CACNA2D1: variants seen among roughly 807,000 people sequenced by gnomAD.
CACNA2D1 encodes voltage-dependent calcium channel subunit alpha-2/delta-1.
Under a neutral mutation model 171.5 loss-of-function variants are expected in CACNA2D1, and 53 were observed. That is an observed-to-expected ratio of 0.31 (90% CI 0.25 to 0.39). CACNA2D1 has a LOEUF of 0.39. Among genes scored for constraint, CACNA2D1 ranks in the 10% least tolerant of loss-of-function variants. CACNA2D1 has a pLI of 1.00. For missense variants in CACNA2D1, 903 were observed against 1,299.8 expected (o/e 0.69, Z 4.69); for synonymous variants, 442 against 443.1 (o/e 1.00, Z 0.03).
intron 6 of CACNA2D1, among the ~76,000 whole-genome samples, chr7:82,115,956 A>C (rs1489377139): frequency 6.6e-6 from 1 of 152,172 alleles, no homozygotes; most frequent in Non-Finnish European, 1.5e-5. Flanking sequence ...GAAAATGCCT[A>C]CTCAGAAATT....
intron 15 of CACNA2D1, among the ~76,000 whole-genome samples, chr7:82,011,546 T>C (rs1306020836): frequency 1.3e-5 from 2 of 152,208 alleles, no homozygotes; most frequent in African/African-American, 4.8e-5. Flanking sequence ...CAATTTAACA[T>C]GTGTTTGTTA....
chr7:82,108,560 T>C (rs574699958), intron 6 of CACNA2D1, among the ~76,000 whole-genome samples: 4 of 152,198 alleles, frequency 2.6e-5, no homozygotes, highest in Non-Finnish European at 5.9e-5. Context: ...TTACAATATC[T>C]ATAAAGCTAT....
At chr7:82,120,385 T>C (rs534334003) in intron 5 of CACNA2D1, among the ~76,000 whole-genome samples, 2 of 152,326 alleles carry the variant, frequency 1.3e-5, no homozygotes, top group South Asian at 4.1e-4. Flanking sequence ...TATTACTGAT[T>C]TTAGAATTTT....
intron 7 of CACNA2D1, among the ~76,000 whole-genome samples, chr7:82,067,766 G>C (rs1390948730): frequency 2.0e-5 from 3 of 152,206 alleles, no homozygotes; most frequent in Non-Finnish European, 2.9e-5. Context: ...TAAGTAACAA[G>C]CATGCTGATA....
intron 1 of CACNA2D1, among the ~76,000 whole-genome samples, chr7:82,425,668 A>C (rs1829106709): frequency 6.6e-6 from 1 of 151,098 alleles, no homozygotes; most frequent in South Asian, 2.1e-4. Context: ...CATAGCTGGG[A>C]CTAATAGGTG....
chr7:81,967,638 AT>A lies in CACNA2D1; in HGVS notation c.2420del (p.Asn807IlefsTer4). The part of the protein sequence containing the change: ...PAVVGIKIDV[N>X]SWIENFTKTS... Reference sequence around the variant, plus strand: ...TTTTGGTGAAATTCTCTATCCAGGAATTTACATCAATTTTAATTCCAACAAC... The same window carrying A: ...TTTTGGTGAAATTCTCTATCCAGGAATTACATCAATTTTAATTCCAACAAC... On this transcript the variant is annotated frameshift_variant, in exon 30 of 39. Transcript: ENST00000356860. LOFTEE classifies it high-confidence loss of function. 1.3e-6 allele frequency: 2 copies of A among 1,494,562 alleles called. No homozygotes were observed. The highest frequency in any genetic ancestry group is 1.9e-6 in the Non-Finnish European group (2 of 1,077,836). The allele number at this position is 1,494,562 out of a possible 1,614,324, so 92.6% of individuals were successfully genotyped here.
chr7:82,038,129 C>T lies in CACNA2D1; in HGVS notation c.986G>A (p.Gly329Glu). 6.2e-6 allele frequency: 10 copies of T among 1,613,706 alleles called. No individual in the cohort carries two copies. Among genetic ancestry groups the T allele is most frequent in the Non-Finnish European group, 7.6e-6 (9 of 1,179,782 alleles). ...KDAVNNITAKGITDYKKGFSF... is the reference protein window; with the variant it reads ...KDAVNNITAKEITDYKKGFSF... ...AAAGCCCTTCTTATAATCTGTAATTCCTTTGGCTGTGATATTATTCACCGC... is the reference window on the plus strand; with the variant it reads ...AAAGCCCTTCTTATAATCTGTAATTTCTTTGGCTGTGATATTATTCACCGC... Residue 329 changes from glycine to glutamate, a missense_variant, in exon 11 of 39, where the codon GGA (glycine) becomes GAA (glutamate). This residue lies in a region of CACNA2D1 where 623 missense variants were observed against 925.5 expected (regional missense o/e 0.67). Transcript: ENST00000356860.
chr7:82,378,573 A>C (rs2129449025), intron 1 of CACNA2D1, among the ~76,000 whole-genome samples: 1 of 152,158 alleles, frequency 6.6e-6, no homozygotes, highest in Middle Eastern at 3.4e-3. Context: ...TCTCCCTATA[A>C]TTTTTGTGCA....
rs920522910 is a variant in CACNA2D1 at position 82,038,943 on chromosome 7, C to A, written c.880-708G>T. 3.9e-5 allele frequency among the ~76,000 whole-genome samples: 6 copies of A among 152,050 alleles called. No homozygotes were observed. The South Asian group carries it at 8.3e-4, about 21-fold the overall frequency. Reference sequence around the variant, plus strand: ...GATCATCAAAGTAACTTCGTCAACCCCATAAAAAATATTCACATCGTTCCC... The same window carrying A: ...GATCATCAAAGTAACTTCGTCAACCACATAAAAAATATTCACATCGTTCCC... On this transcript the variant is annotated intron_variant, in intron 10 of 38. Transcript: ENST00000356860.
At chr7:82,307,141 T>C (rs556077344) in intron 3 of CACNA2D1, among the ~76,000 whole-genome samples, 1 of 152,194 alleles carries the variant, frequency 6.6e-6, no homozygotes, top group African/African-American at 2.4e-5. Flanking sequence ...AAAATAAACA[T>C]TTATAAGAAT....
intron 3 of CACNA2D1, among the ~76,000 whole-genome samples, chr7:82,321,057 A>T (rs912584665): frequency 6.6e-6 from 1 of 151,670 alleles, no homozygotes; most frequent in Non-Finnish European, 1.5e-5. Context: ...AAGCACAGAC[A>T]TAAGTCAGAC....
chr7:82,035,614 G>A (rs1584493910), intron 11 of CACNA2D1, among the ~76,000 whole-genome samples: 3 of 152,154 alleles, frequency 2.0e-5, no homozygotes, highest in Admixed American at 1.3e-4. Flanking sequence ...GGAAGTTAAT[G>A]TGGCCTCTCT....
chr7:82,151,674 A>C (rs1793869798), intron 4 of CACNA2D1, among the ~76,000 whole-genome samples: 1 of 152,072 alleles, frequency 6.6e-6, no homozygotes, highest in Non-Finnish European at 1.5e-5. Context: ...AAAATACTGC[A>C]GAGAAGCTGA....
chr7:82,132,261 G>C (rs989239396), intron 5 of CACNA2D1, among the ~76,000 whole-genome samples: 5 of 152,194 alleles, frequency 3.3e-5, no homozygotes, highest in African/African-American at 1.2e-4. Flanking sequence ...TGAATGAGTA[G>C]AGTGTTTGCA....
chr7:82,442,980 AAACAT>A (rs2129460248), intron 1 of CACNA2D1, among the ~76,000 whole-genome samples: 1 of 152,358 alleles, frequency 6.6e-6, no homozygotes, highest in Non-Finnish European at 1.5e-5. Context: ...TACCCAACCA[AAACAT>A]AACTTTTTAT....
rs546812050 is a variant in CACNA2D1 at position 81,959,400 on chromosome 7, CAT to C, written c.3077-45_3077-44del. ...AGGAATCTCATGTTAGTTTTTTTCA[CAT>C]GATTAAAAATAAATACAATGCAATG... On this transcript the variant is annotated intron_variant, in intron 37 of 38. Transcript: ENST00000356860. The C allele has an allele frequency of 8.7e-5, 115 of 1,329,480 alleles. 1 individual carries two copies. In the South Asian group the frequency reaches 1.2e-3, roughly 14 times the overall value. 82.4% of individuals were successfully genotyped at this position (1,329,480 alleles called of 1,614,324 possible). A position where few individuals can be genotyped will look rare whatever the true frequency, so the allele number is the denominator to read the frequency against.
At chr7:81,957,338 G>C (rs1044285229) in intron 38 of CACNA2D1, among the ~76,000 whole-genome samples, 3 of 152,030 alleles carry the variant, frequency 2.0e-5, no homozygotes, top group Non-Finnish European at 4.4e-5. Context: ...AACAACATTG[G>C]TCCTGAGATT....
In CACNA2D1 at chr7:82,374,790, C is replaced by A. The variant is rs201996493; in HGVS notation, c.96-25141G>T. Among the ~76,000 whole-genome samples the A allele has an allele frequency of 9.7e-3, 1,444 of 148,618 alleles. 30 individuals are homozygous for A. The highest frequency in any genetic ancestry group is 0.059 in the East Asian group (295 of 5,038). ...ACACTAAACAAACAAAAATGCCCCC[C>A]AAAAAAAGAAAAAAGACTACAAAAG... On this transcript the variant is annotated intron_variant, in intron 1 of 38. Coordinates refer to ENST00000356860, the MANE Select transcript of CACNA2D1 (RefSeq NM_000722.4).
chr7:82,160,389 T>C (rs577639745), intron 4 of CACNA2D1, among the ~76,000 whole-genome samples: 4 of 152,230 alleles, frequency 2.6e-5, no homozygotes, highest in African/African-American at 9.6e-5. Flanking sequence ...GGGGCTATCA[T>C]AAAAGTATTG....
Sources: allele counts gnomAD v4.1 joint callset (sites outside exome capture counted in the v4.1 genomes callset), GRCh38; gene constraint gnomAD v4.1.1; regional missense constraint gnomAD v4.1.1; transcripts MANE v1.5; gene names NCBI Gene and HGNC (gene_info 2026-07-23, HGNC 2026-07-21).